Variants in GNAL observed in about 807,000 individuals in gnomAD.
The protein encoded by GNAL is G protein subunit alpha L.
A neutral mutation model predicts 55.1 loss-of-function variants in GNAL; 18 were observed. That is an observed-to-expected ratio of 0.33 (90% CI 0.23 to 0.48). GNAL has a LOEUF of 0.48. Ranked by LOEUF, GNAL falls within the 20% of genes least tolerant of loss-of-function variation. The pLI, the probability that GNAL is intolerant of heterozygous loss-of-function variation, is 0.99. For missense variants in GNAL, 412 were observed against 614.1 expected, an observed-to-expected ratio of 0.67 and a Z score of 3.48; for synonymous variants, 253 against 237.0, an observed-to-expected ratio of 1.07 and a Z score of -0.62.
At chr18:11,785,750 C>G (rs2034037789) in intron 4 of GNAL, among the ~76,000 whole-genome samples, 1 of 152,028 alleles carries the variant, frequency 6.6e-6, no homozygotes, top group Non-Finnish European at 1.5e-5. Context: ...GCCCAGAGAC[C>G]CAGTCTGACG....
chr18:11,754,365 C>A (rs922072044), intron 4 of GNAL, among the ~76,000 whole-genome samples: 1 of 151,022 alleles, frequency 6.6e-6, no homozygotes, highest in African/African-American at 2.4e-5. Flanking sequence ...TGCCATGAGC[C>A]GAGATCACGC....
At chr18:11,850,293 G>C (rs1262816242) in intron 5 of GNAL, among the ~76,000 whole-genome samples, 1 of 152,202 alleles carries the variant, frequency 6.6e-6, no homozygotes, top group Non-Finnish European at 1.5e-5. Flanking sequence ...AAACATCAGA[G>C]CTATGTCTTC....
chr18:11,796,313 C>T (rs190689621), intron 4 of GNAL, among the ~76,000 whole-genome samples: 79 of 152,232 alleles, frequency 5.2e-4, no homozygotes, highest in Admixed American at 2.5e-3. Context: ...CGCAGTGGCT[C>T]ACGCCTGTAA....
intron 1 of GNAL, among the ~76,000 whole-genome samples, chr18:11,724,219 C>G (rs2032161033): frequency 6.6e-6 from 1 of 152,180 alleles, no homozygotes; most frequent in Non-Finnish European, 1.5e-5. Context: ...AAGCATGATG[C>G]TGGCATCTGC....
At chr18:11,776,381 C>G (rs867201788) in intron 4 of GNAL, among the ~76,000 whole-genome samples, 2 of 152,088 alleles carry the variant, frequency 1.3e-5, no homozygotes, top group Admixed American at 6.6e-5. Flanking sequence ...GCGTCACACT[C>G]TGTGGTGTGT....
chr18:11,761,165 G>C (rs1200777058), intron 4 of GNAL, among the ~76,000 whole-genome samples: 1 of 152,076 alleles, frequency 6.6e-6, no homozygotes, highest in Non-Finnish European at 1.5e-5. Context: ...TGGATCCACG[G>C]GGAGTCAGTC....
intron 1 of GNAL, among the ~76,000 whole-genome samples, chr18:11,721,972 T>C (rs1445522333): frequency 6.6e-6 from 1 of 151,948 alleles, no homozygotes; most frequent in African/African-American, 2.4e-5. Context: ...ACTAAGACAG[T>C]TCACAGAGGC....
chr18:11,825,430 C>T (rs771646877), intron 5 of GNAL, among the ~76,000 whole-genome samples: 1 of 152,086 alleles, frequency 6.6e-6, no homozygotes, highest in Non-Finnish European at 1.5e-5. Flanking sequence ...ATTCTGTACA[C>T]ATTAGAAGTA....
chr18:11,844,488 C>T (rs2035688362), intron 5 of GNAL, among the ~76,000 whole-genome samples: 1 of 152,164 alleles, frequency 6.6e-6, no homozygotes, highest in Non-Finnish European at 1.5e-5. Flanking sequence ...AACCAGTGCT[C>T]TCCATTCTGT....
intron 11 of GNAL, 50 bp from the exon 12 acceptor site, chr18:11,880,938 AG>A: frequency 6.3e-7 from 1 of 1,581,458 alleles, no homozygotes. Context: ...GTCCTTCCCC[AG>A]AGTACATGCT....
chr18:11,860,609 G>A (rs188838591), intron 5 of GNAL, among the ~76,000 whole-genome samples: 4 of 152,302 alleles, frequency 2.6e-5, no homozygotes, highest in Admixed American at 1.3e-4. Context: ...TGTTAGGACC[G>A]AGAGCTAATA....
intron 4 of GNAL, among the ~76,000 whole-genome samples, chr18:11,788,554 A>G (rs192599354): frequency 6.6e-6 from 1 of 152,222 alleles, no homozygotes; most frequent in African/African-American, 2.4e-5. Flanking sequence ...GATTCATTAA[A>G]ACTTATTAAC....
chr18:11,815,089 G>C (rs1332056747), intron 4 of GNAL, among the ~76,000 whole-genome samples: 1 of 152,066 alleles, frequency 6.6e-6, no homozygotes, highest in African/African-American at 2.4e-5. Context: ...TAATAATGTA[G>C]TGTATATTTC....
chr18:11,771,921 A>G (rs2033648171), intron 4 of GNAL, among the ~76,000 whole-genome samples: 1 of 151,952 alleles, frequency 6.6e-6, no homozygotes, highest in Admixed American at 6.6e-5. Context: ...AGGTTTCGCC[A>G]TGTTGGCCAG....
intron 5 of GNAL, among the ~76,000 whole-genome samples, chr18:11,831,318 C>T (rs999988894): frequency 6.6e-6 from 1 of 152,048 alleles, no homozygotes; most frequent in African/African-American, 2.4e-5. Context: ...GGTGAGTCAG[C>T]GGTCCTCTTC....
intron 4 of GNAL, among the ~76,000 whole-genome samples, chr18:11,760,220 C>T (rs1420181473): frequency 6.6e-6 from 1 of 152,180 alleles, no homozygotes; most frequent in African/African-American, 2.4e-5. Context: ...CAGTAAGGAC[C>T]TGTGGGCACA....
chr18:11,751,773 C>G lies in GNAL; in HGVS notation c.377-1080C>G. ...CCTGACCCCTACAGCGCGGTAGCGC[C>G]TCTCCGAGAGCTCCGGGACCAGCGG... On this transcript the variant is annotated intron_variant, in intron 1 of 11. Coordinates refer to ENST00000334049, the MANE Select transcript of GNAL (RefSeq NM_182978.4). The surrounding 1 kb of genome is among the most constrained non-coding windows in gnomAD (Gnocchi z 4.5). The G allele has an allele frequency of 1.9e-6, 1 of 538,346 alleles. No individual in the cohort carries two copies. The highest frequency in any genetic ancestry group is 2.4e-6 in the Non-Finnish European group (1 of 420,912). 33.3% of individuals were successfully genotyped at this position (538,346 alleles called of 1,614,324 possible).
rs747139554 is a variant in GNAL, at chr18:11,689,787, G to T, written c.224G>T (p.Arg75Leu). 3.3e-6 allele frequency: 5 copies of T among 1,532,834 alleles called. No homozygotes were observed. In the South Asian group the frequency reaches 6.0e-5, roughly 19 times the overall value. The allele number at this position is 1,532,834 out of a possible 1,614,324, so 95.0% of individuals were successfully genotyped here. A position where few individuals can be genotyped will look rare whatever the true frequency, so the allele number is the denominator to read the frequency against. ...RPKADKPKEK[R>L]QRTEQLSAEE... ...AAAGCAGACAAGCCGAAGGAGAAGC[G>T]GCAGCGCACCGAGCAGCTGAGTGCC... The change falls in exon 1 of 12, where the codon CGG becomes CTG. Residue 75 changes from arginine to leucine, a missense_variant. Arg to Leu is a moderately radical substitution (Grantham distance 102). Coordinates refer to ENST00000334049, the MANE Select transcript of GNAL (RefSeq NM_182978.4).
In GNAL at chr18:11,719,349, T is replaced by C. The variant is rs141330244; in HGVS notation, c.376+29410T>C. Reference sequence around the variant, plus strand: ...ACAGGAAGACTGACAGCAGCAAAGATGTATTGCAAAACAGTCAGGGTTACC... The same window carrying C: ...ACAGGAAGACTGACAGCAGCAAAGACGTATTGCAAAACAGTCAGGGTTACC... On this transcript the variant is annotated intron_variant, in intron 1 of 11. Coordinates refer to ENST00000334049, the MANE Select transcript of GNAL (RefSeq NM_182978.4). Among the ~76,000 whole-genome samples, 775 of 152,240 alleles carry C rather than the reference T, an allele frequency of 5.1e-3. 6 individuals carry two copies. The highest frequency in any genetic ancestry group is 0.018 in the African/African-American group (738 of 41,538).
Sources: allele counts gnomAD v4.1 joint callset (sites outside exome capture counted in the v4.1 genomes callset), GRCh38; gene constraint gnomAD v4.1.1; non-coding constraint Gnocchi (gnomAD v3.1); transcripts MANE v1.5; gene names NCBI Gene and HGNC (gene_info 2026-07-23, HGNC 2026-07-21).